Variants in ANKRD6 observed in about 807,000 individuals in gnomAD.
ANKRD6 encodes ankyrin repeat domain 6, also known as ankyrin repeat domain-containing protein 6.
A neutral mutation model predicts 82.3 loss-of-function variants in ANKRD6; 56 were observed. That is an observed-to-expected ratio of 0.68 (90% confidence interval 0.55 to 0.85). The LOEUF is 0.85. Ranked by LOEUF, ANKRD6 falls within the 40% of genes least tolerant of loss-of-function variation. The pLI is 0.00. For missense variants in ANKRD6, 852 were observed against 907.6 expected, an observed-to-expected ratio of 0.94 and a Z score of 0.79; for synonymous variants, 347 against 352.1, an observed-to-expected ratio of 0.99 and a Z score of 0.16.
chr6:89,493,929 A>G (rs919437972), intron 1 of ANKRD6, among the ~76,000 whole-genome samples: 7 of 152,204 alleles, frequency 4.6e-5, no homozygotes, highest in South Asian at 2.1e-4. Flanking sequence ...ACCCACTACA[A>G]TTGTTAAAGA....
chr6:89,545,573 C>T (rs1341470600), intron 1 of ANKRD6, among the ~76,000 whole-genome samples: 1 of 152,156 alleles, frequency 6.6e-6, no homozygotes, highest in African/African-American at 2.4e-5. Flanking sequence ...ATAAGTACTT[C>T]ATTTAAACCC....
chr6:89,602,937 G>A (rs1797573561), intron 3 of ANKRD6, 92 bp from the exon 4 acceptor site: 6 of 1,047,120 alleles, frequency 5.7e-6, no homozygotes, highest in African/African-American at 1.6e-5. Context: ...GTGGGGACGG[G>A]AGGGGTCCTT....
intron 1 of ANKRD6, among the ~76,000 whole-genome samples, chr6:89,477,770 CAAA>C (rs772097321): frequency 7.7e-5 from 4 of 51,904 alleles, no homozygotes; most frequent in Non-Finnish European, 1.2e-4. Flanking sequence ...GACTCCGTCT[CAAA>C]AAAAAAAAAA....
intron 1 of ANKRD6, among the ~76,000 whole-genome samples, chr6:89,539,555 C>T (rs997413195): frequency 2.6e-5 from 4 of 151,834 alleles, no homozygotes; most frequent in African/African-American, 9.7e-5. Flanking sequence ...GGTATATAGT[C>T]TGTATATATA....
intron 14 of ANKRD6, 147 bp from the exon 15 acceptor site, chr6:89,628,965 C>G (rs890444138): frequency 9.6e-6 from 8 of 831,750 alleles, no homozygotes; most frequent in Non-Finnish European, 1.3e-5. Flanking sequence ...TAGCAGTGGG[C>G]AAGCCATAAC....
chr6:89,493,563 TC>T (rs1778258697), intron 1 of ANKRD6, among the ~76,000 whole-genome samples: 1 of 152,040 alleles, frequency 6.6e-6, no homozygotes, highest in South Asian at 2.1e-4. Flanking sequence ...GCATGCACTA[TC>T]ATGCCCAGCT....
At chr6:89,623,273 G>A in intron 10 of ANKRD6, 137 bp from the exon 11 acceptor site, 2 of 1,214,772 alleles carry the variant, frequency 1.6e-6, no homozygotes, top group Admixed American at 3.0e-5. Flanking sequence ...TGTTTCCTAT[G>A]TCTGAAATTT....
chr6:89,584,186 T>C (rs1436001043), intron 2 of ANKRD6, among the ~76,000 whole-genome samples: 1 of 152,294 alleles, frequency 6.6e-6, no homozygotes, highest in East Asian at 1.9e-4. Flanking sequence ...CTGAACAAAA[T>C]GCGTTGGAGG....
chr6:89,544,663 A>G (rs560485848), intron 1 of ANKRD6, among the ~76,000 whole-genome samples: 6 of 151,618 alleles, frequency 4.0e-5, no homozygotes, highest in Admixed American at 2.0e-4. Flanking sequence ...GCAGTGAGCC[A>G]AGATTGTGCC....
chr6:89,542,493 A>G (rs1273369516), intron 1 of ANKRD6, among the ~76,000 whole-genome samples: 2 of 151,880 alleles, frequency 1.3e-5, no homozygotes, highest in African/African-American at 2.4e-5. Context: ...CATCTTGTCA[A>G]CTCTTTGACC....
intron 5 of ANKRD6, among the ~76,000 whole-genome samples, chr6:89,611,979 T>C (rs747407085): frequency 1.3e-4 from 20 of 152,332 alleles, no homozygotes; most frequent in Middle Eastern, 6.8e-3. Context: ...GGGGTCATGC[T>C]CCATTTCCCA....
intron 1 of ANKRD6, among the ~76,000 whole-genome samples, chr6:89,520,142 C>A (rs1781721553): frequency 6.6e-6 from 1 of 152,154 alleles, no homozygotes; most frequent in Non-Finnish European, 1.5e-5. Context: ...CACCACCATG[C>A]CTGGCTAATG....
rs984227468 is a variant in ANKRD6, at chr6:89,631,770, G to A, written c.*766G>A. 1 of 152,180 alleles carries A rather than the reference G, an allele frequency of 6.6e-6. No homozygotes were observed. The highest frequency in any genetic ancestry group is 1.5e-5 in the Non-Finnish European group (1 of 68,028). The allele number at this position is 152,180 out of a possible 1,614,324, so 9.4% of individuals were successfully genotyped here. On this transcript the variant is annotated 3_prime_UTR_variant, in exon 16 of 16. Coordinates refer to ENST00000339746, the MANE Select transcript of ANKRD6 (RefSeq NM_001242809.2). ...AGCAGATTAATGGAAAAAAATTCAT[G>A]TAACAATTACCTGAAAATTTATAAC... is the stretch of plus-strand genomic sequence containing the variant.
chr6:89,491,990 G>GATGAATACATA (rs1562628276), intron 1 of ANKRD6, among the ~76,000 whole-genome samples: 1 of 152,002 alleles, frequency 6.6e-6, no homozygotes, highest in Non-Finnish European at 1.5e-5. Flanking sequence ...ATCATACCCA[G>GATGAATACATA]CATAAAAAAA....
At chr6:89,601,317 T>C (rs1256378442) in intron 3 of ANKRD6, among the ~76,000 whole-genome samples, 2 of 152,072 alleles carry the variant, frequency 1.3e-5, no homozygotes, top group African/African-American at 4.8e-5. Flanking sequence ...GTGGTGGCAG[T>C]GCTGAGGACA....
intron 1 of ANKRD6, among the ~76,000 whole-genome samples, chr6:89,503,032 G>A (rs146207439): frequency 6.6e-6 from 1 of 152,098 alleles, no homozygotes; most frequent in African/African-American, 2.4e-5. Context: ...CTTTCATCCT[G>A]CAGGCAGCAG....
chr6:89,553,091 A>G (rs1195024214), intron 1 of ANKRD6, among the ~76,000 whole-genome samples: 2 of 152,236 alleles, frequency 1.3e-5, no homozygotes, highest in Non-Finnish European at 2.9e-5. Flanking sequence ...AGAGAAGGTC[A>G]TGTGGGTTAG....
intron 4 of ANKRD6, among the ~76,000 whole-genome samples, chr6:89,604,280 A>G (rs2128183501): frequency 6.6e-6 from 1 of 152,258 alleles, no homozygotes; most frequent in East Asian, 1.9e-4. Context: ...GTGAGCTGAG[A>G]TCGTGCCATT....
chr6:89,613,918 G>A (rs757685679), intron 7 of ANKRD6, 28 bp downstream of exon 7: 2 of 1,607,684 alleles, frequency 1.2e-6, no homozygotes, highest in East Asian at 2.2e-5. Context: ...CTTCATGGCT[G>A]CCAGCACCCT....
Sources: allele counts gnomAD v4.1 joint callset (sites outside exome capture counted in the v4.1 genomes callset), GRCh38; gene constraint gnomAD v4.1.1; transcripts MANE v1.5; gene names NCBI Gene and HGNC (gene_info 2026-07-23, HGNC 2026-07-21).